BOC: variants seen among roughly 807,000 people sequenced by gnomAD.
The protein encoded by BOC is BOC cell adhesion associated, oncogene regulated, also known as brother of CDO.
In BOC, 76 loss-of-function variants were observed where a neutral mutation model predicts 112.0. That is an observed-to-expected ratio of 0.68 (90% CI 0.56 to 0.82). BOC has a LOEUF of 0.82. Ranked by LOEUF, BOC falls within the 40% of genes least tolerant of loss-of-function variation. The probability of loss-of-function intolerance (pLI) is 0.00; values close to 1 mark genes in which losing one functional copy is unlikely to be tolerated. For synonymous variants in BOC, 580 were observed against 599.8 expected, an observed-to-expected ratio of 0.97 and a Z score of 0.48; for missense variants, 1,309 against 1,511.7, an observed-to-expected ratio of 0.87 and a Z score of 2.22.
intron 2 of BOC, among the ~76,000 whole-genome samples, chr3:113,231,365 A>G (rs1038701262): frequency 6.6e-6 from 1 of 152,238 alleles, no homozygotes; most frequent in African/African-American, 2.4e-5. Flanking sequence ...CCAGATAACT[A>G]CACACCACAT....
intron 2 of BOC, among the ~76,000 whole-genome samples, chr3:113,232,048 G>A (rs372821283): frequency 1.3e-5 from 2 of 152,142 alleles, no homozygotes; most frequent in East Asian, 3.9e-4. Context: ...AACCTCAGCA[G>A]GGGGATCCTC....
In BOC at chr3:113,283,614, A is replaced by G; in HGVS notation, c.2638A>G (p.Arg880Gly). 2 of 1,613,418 alleles carry G rather than the reference A, an allele frequency of 1.2e-6. No homozygotes were observed. Among genetic ancestry groups the G allele is most frequent in the Non-Finnish European group, 1.7e-6 (2 of 1,179,866 alleles). Residue 880 changes from arginine (R) to glycine (G), a missense_variant, in exon 16 of 20, where the codon AGG becomes GGG. Coordinates refer to ENST00000682979, the MANE Select transcript of BOC (RefSeq NM_001378074.1). ...IVTFIPFCLW[R>G]AWSKQKHTTD... ...CACCTTCATCCCCTTCTGCTTGTGGAGGGCCTGGTCTAAGCAAAGTGAGTG... is the reference window on the plus strand; with the variant it reads ...CACCTTCATCCCCTTCTGCTTGTGGGGGGCCTGGTCTAAGCAAAGTGAGTG...
At chr3:113,225,481 C>T (rs1046225400) in intron 2 of BOC, among the ~76,000 whole-genome samples, 1 of 152,180 alleles carries the variant, frequency 6.6e-6, no homozygotes, top group African/African-American at 2.4e-5. Context: ...ACCACCTCCC[C>T]CTCTGGTTTT....
chr3:113,284,312 C>T (rs1949471283), intron 16 of BOC, 23 bp from the exon 17 acceptor site: 1 of 1,605,478 alleles, frequency 6.2e-7, no homozygotes, highest in East Asian at 2.2e-5. Flanking sequence ...CCTAAGCACA[C>T]CTTTATTTTT....
chr3:113,222,701 G>A (rs561436924), intron 2 of BOC, among the ~76,000 whole-genome samples: 7 of 150,434 alleles, frequency 4.7e-5, no homozygotes, highest in East Asian at 3.9e-4. Context: ...GCTAGGAGAC[G>A]CAGGGGGGTG....
At chr3:113,263,170 C>A (rs1338370748) in intron 4 of BOC, among the ~76,000 whole-genome samples, 1 of 152,162 alleles carries the variant, frequency 6.6e-6, no homozygotes, top group Admixed American at 6.5e-5. Flanking sequence ...ATAGAATTAT[C>A]CATCAGTCCA....
chr3:113,284,263 C>A, intron 16 of BOC, 72 bp from the exon 17 acceptor site: 1 of 1,327,764 alleles, frequency 7.5e-7, no homozygotes, highest in Non-Finnish European at 1.1e-6. Flanking sequence ...CTCCTGAGAT[C>A]CTTGTGGGGC....
chr3:113,286,289 A>G (rs1328956165), intron 19 of BOC, among the ~76,000 whole-genome samples: 1 of 152,178 alleles, frequency 6.6e-6, no homozygotes, highest in Non-Finnish European at 1.5e-5. Flanking sequence ...GGACCGTGTC[A>G]ATCTGGGGGG....
chr3:113,262,323 T>C (rs1946979205), intron 4 of BOC, among the ~76,000 whole-genome samples: 6 of 152,214 alleles, frequency 3.9e-5, no homozygotes, highest in Admixed American at 3.9e-4. Flanking sequence ...TTGTGAATTA[T>C]TGTGTCCTGC....
intron 18 of BOC, 72 bp from the exon 19 acceptor site, chr3:113,285,300 G>A: frequency 6.7e-7 from 1 of 1,483,316 alleles, no homozygotes; most frequent in Non-Finnish European, 9.4e-7. Context: ...CAGGGAGACA[G>A]CCAGCAGGGG....
intron 2 of BOC, among the ~76,000 whole-genome samples, chr3:113,236,266 G>GTGTGTGTC (rs10634988): frequency 0.074 from 3,870 of 52,518 alleles, 344 homozygotes; most frequent in African/African-American, 0.13. Flanking sequence ...GTGTGTGTGT[G>GTGTGTGTC]TATATATACC....
At chr3:113,286,554 T>C in intron 19 of BOC, 121 bp from the exon 20 acceptor site, 1 of 923,828 alleles carries the variant, frequency 1.1e-6, no homozygotes, top group Non-Finnish European at 1.6e-6. Context: ...TGTAGGTTTC[T>C]GTCCCCTTTC....
chr3:113,276,976 G>C (rs1948732556), intron 9 of BOC, among the ~76,000 whole-genome samples: 1 of 152,206 alleles, frequency 6.6e-6, no homozygotes, highest in Non-Finnish European at 1.5e-5. Context: ...TGTCCCGAAA[G>C]GTGGCGCGGC....
intron 4 of BOC, chr3:113,251,164 C>T (rs1051250691): frequency 3.6e-6 from 2 of 557,496 alleles, no homozygotes; most frequent in Non-Finnish European, 6.3e-6. Flanking sequence ...CTTGGTCATC[C>T]TGTGGCTGTA....
intron 5 of BOC, 193 bp from the exon 6 acceptor site, chr3:113,270,608 T>C (rs1948002939): frequency 3.4e-6 from 2 of 596,890 alleles, no homozygotes; most frequent in Non-Finnish European, 5.7e-6. Flanking sequence ...TCTGGCACTC[T>C]GTCCTGCTTG....
chr3:113,241,878 G>C (rs561620114), intron 2 of BOC, among the ~76,000 whole-genome samples: 1 of 151,970 alleles, frequency 6.6e-6, no homozygotes, highest in South Asian at 2.1e-4. Context: ...AAAGCAAGGA[G>C]GGGGGTGCCA....
intron 2 of BOC, among the ~76,000 whole-genome samples, chr3:113,244,596 C>A (rs955460804): frequency 1.4e-4 from 22 of 152,154 alleles, no homozygotes; most frequent in African/African-American, 4.6e-4. Context: ...GTGTCTTAGT[C>A]ACATTAGCCA....
intron 2 of BOC, among the ~76,000 whole-genome samples, chr3:113,223,648 C>T (rs1456704314): frequency 6.6e-6 from 1 of 152,134 alleles, no homozygotes; most frequent in African/African-American, 2.4e-5. Flanking sequence ...CGCTGATCTA[C>T]TATTGTCTCT....
intron 4 of BOC, among the ~76,000 whole-genome samples, chr3:113,254,232 G>A (rs74812727): frequency 0.032 from 4,928 of 152,286 alleles, 267 homozygotes; most frequent in African/African-American, 0.11. Flanking sequence ...TGAAAGCCAA[G>A]AACTATTGGC....
Sources: gnomAD v4.1 joint callset for allele counts (sites outside exome capture counted in the v4.1 genomes callset) on GRCh38, gnomAD v4.1.1 for gene constraint, MANE v1.5 for transcripts, NCBI Gene and HGNC (gene_info 2026-07-23, HGNC 2026-07-21) for gene names.